Variants in GATAD2A observed in about 807,000 individuals in gnomAD.
GATAD2A encodes the protein GATA zinc finger domain containing 2A.
GATAD2A carries 12 observed loss-of-function variants against 68.5 expected under a neutral mutation model. That is an observed-to-expected ratio of 0.18 (90% CI 0.11 to 0.28). The LOEUF is 0.28. Ranked by LOEUF, GATAD2A falls within the 10% of genes least tolerant of loss-of-function variation. GATAD2A has a pLI of 1.00. For missense variants in GATAD2A, 755 were observed against 868.5 expected (o/e 0.87, Z 1.64); for synonymous variants, 410 against 375.3 (o/e 1.09, Z -1.07).
At chr19:19,428,437 G>A (rs1212027228) in intron 1 of GATAD2A, among the ~76,000 whole-genome samples, 1 of 152,230 alleles carries the variant, frequency 6.6e-6, no homozygotes, top group African/African-American at 2.4e-5. Context: ...TTGAGAAGCT[G>A]CCTGGTGCCA....
chr19:19,428,606 G>A (rs2053360421), intron 1 of GATAD2A, among the ~76,000 whole-genome samples: 1 of 152,188 alleles, frequency 6.6e-6, no homozygotes, highest in Non-Finnish European at 1.5e-5. Context: ...ATTTGGGATG[G>A]TTTGGAGGGA....
chr19:19,492,572 C>T lies in GATAD2A; in HGVS notation c.403-9C>T, dbSNP rs771568278. On this transcript the variant is annotated splice_polypyrimidine_tract_variant and intron_variant, in intron 3 of 11. Coordinates refer to ENST00000683918, the MANE Select transcript of GATAD2A (RefSeq NM_001384528.1). ...CTCCCTCTCAACCCTGTTCCTCTCG[C>T]CCCTGCAGAAAAGCAGTCCTGAAGA... is the stretch of plus-strand genomic sequence containing the variant. 1.2e-6 allele frequency: 2 copies of T among 1,614,178 alleles called. No homozygotes were observed. The highest frequency in any genetic ancestry group is 1.7e-5 in the Admixed American group (1 of 60,026).
At position 19,482,499 on chromosome 19, in the gene GATAD2A, G is replaced by A. The variant is rs553331969; in HGVS notation, c.270-9807G>A. ...CACCTCCTCTTTAGGGTTCCCCCAG[G>A]GTCCTGGCACAGTGAGGGGTCCACA... On this transcript the variant is annotated intron_variant, in intron 2 of 11. Coordinates refer to ENST00000683918, the MANE Select transcript of GATAD2A (RefSeq NM_001384528.1). 1.3e-3 allele frequency among the ~76,000 whole-genome samples: 191 copies of A among 152,318 alleles called. 1 individual carries two copies. Among genetic ancestry groups the A allele is most frequent in the Middle Eastern group, 6.8e-3 (2 of 294 alleles).
chr19:19,457,066 C>T, intron 1 of GATAD2A: 2 of 983,842 alleles, frequency 2.0e-6, no homozygotes, highest in Non-Finnish European at 2.4e-6. Flanking sequence ...TTTGAAGTGT[C>T]CGATCCAGTC....
chr19:19,409,851 T>G (rs972725348), intron 1 of GATAD2A, among the ~76,000 whole-genome samples: 2 of 152,152 alleles, frequency 1.3e-5, no homozygotes, highest in Non-Finnish European at 2.9e-5. Context: ...GACCGTTGGC[T>G]TCTTGCCCCT....
intron 1 of GATAD2A, among the ~76,000 whole-genome samples, chr19:19,430,901 A>G (rs1362016931): frequency 6.6e-6 from 1 of 152,070 alleles, no homozygotes; most frequent in Non-Finnish European, 1.5e-5. Context: ...GTAAATTGCC[A>G]TAGCTACCTT....
At position 19,447,497 on chromosome 19, in the gene GATAD2A, A is replaced by G. The variant is rs149298732; in HGVS notation, c.-6-17843A>G. Among the ~76,000 whole-genome samples, 147 of 152,336 alleles carry G rather than the reference A, an allele frequency of 9.6e-4. 1 individual carries two copies. In the East Asian group the frequency reaches 0.019, roughly 20 times the overall value. The stretch of plus-strand genomic sequence containing the variant: ...TGCCCAGAGGTTGGTGTGGGTGTCT[A>G]TACACAGACTCCTCCCACCCCTGAG... On this transcript the variant is annotated intron_variant, in intron 1 of 11. Coordinates refer to ENST00000683918, the MANE Select transcript of GATAD2A (RefSeq NM_001384528.1).
rs2147262341 is a variant in GATAD2A at position 19,420,951 on chromosome 19, T to C, written c.-7+14932T>C. Among the ~76,000 whole-genome samples, 2 of 152,366 alleles carry C rather than the reference T, an allele frequency of 1.3e-5. 1 individual carries two copies. Among genetic ancestry groups the C allele is most frequent in the South Asian group, 4.1e-4 (2 of 4,830 alleles). ...TTCCTCTTTCAGTAACAAAACCTCTTGTCAACATATTAGAGATGATTCTCT... is the reference window on the plus strand; with the variant it reads ...TTCCTCTTTCAGTAACAAAACCTCTCGTCAACATATTAGAGATGATTCTCT... On this transcript the variant is annotated intron_variant, in intron 1 of 11. Coordinates refer to ENST00000683918, the MANE Select transcript of GATAD2A (RefSeq NM_001384528.1).
upstream of GATAD2A, among the ~76,000 whole-genome samples, chr19:19,403,916 A>T (rs1376959860): frequency 3.3e-5 from 5 of 152,204 alleles, no homozygotes; most frequent in Non-Finnish European, 7.3e-5. Context: ...GTTTGAGAAT[A>T]AGACTGTTTT....
At chr19:19,406,203 T>C (rs1431594590) in intron 1 of GATAD2A, among the ~76,000 whole-genome samples, 184 bp downstream of exon 1, 1 of 150,904 alleles carries the variant, frequency 6.6e-6, no homozygotes, top group Non-Finnish European at 1.5e-5. Context: ...TGCGCTGCCC[T>C]GGAAAGTTCC....
At chr19:19,501,072 TGTC>T in intron 8 of GATAD2A, 43 bp from the exon 9 acceptor site, 1 of 1,549,688 alleles carries the variant, frequency 6.5e-7, no homozygotes, top group Non-Finnish European at 8.8e-7. Context: ...GGGCCCTGAC[TGTC>T]GTCCTGGCCC....
rs149768903 is a variant in GATAD2A, at chr19:19,424,249, A to C, written c.-7+18230A>C. 2.1e-3 allele frequency among the ~76,000 whole-genome samples: 321 copies of C among 151,552 alleles called. 2 individuals carry two copies. Among genetic ancestry groups the C allele is most frequent in the South Asian group, 0.016 (78 of 4,786 alleles). ...TTGTAAGTTTTTGTTGTTGTTTTTG[A>C]TACAGGGTCTTGCTCTGTCGTCCAG... is the stretch of plus-strand genomic sequence containing the variant. On this transcript the variant is annotated intron_variant, in intron 1 of 11. Transcript: ENST00000683918.
chr19:19,408,629 A>G (rs2050567170), intron 1 of GATAD2A, among the ~76,000 whole-genome samples: 1 of 152,092 alleles, frequency 6.6e-6, no homozygotes, highest in African/African-American at 2.4e-5. Flanking sequence ...TATTTTCTGA[A>G]TTTCTGGCAT....
intron 1 of GATAD2A, among the ~76,000 whole-genome samples, chr19:19,428,800 C>T (rs1009741568): frequency 1.2e-4 from 19 of 152,148 alleles, no homozygotes; most frequent in African/African-American, 4.3e-4. Context: ...ACTCTCAATT[C>T]TCAGTGGTGG....
chr19:19,502,619 AC>A, intron 11 of GATAD2A, 93 bp downstream of exon 11: 2 of 1,006,678 alleles, frequency 2.0e-6, no homozygotes, highest in Non-Finnish European at 1.5e-6. Context: ...CAGCGGGTGA[AC>A]CCCCAGGCCC....
At chr19:19,454,212 T>C (rs1412477369) in intron 1 of GATAD2A, among the ~76,000 whole-genome samples, 1 of 149,352 alleles carries the variant, frequency 6.7e-6, no homozygotes, top group Non-Finnish European at 1.5e-5. Flanking sequence ...GGTCAGCTGG[T>C]CTTGAACTCC....
intron 1 of GATAD2A, among the ~76,000 whole-genome samples, chr19:19,454,946 G>A (rs949586559): frequency 6.6e-5 from 10 of 152,170 alleles, no homozygotes; most frequent in African/African-American, 2.4e-4. Flanking sequence ...ACAAGGTGGT[G>A]GCCTGTTTTG....
chr19:19,466,301 C>G (rs1311634051), intron 2 of GATAD2A, among the ~76,000 whole-genome samples: 1 of 152,202 alleles, frequency 6.6e-6, no homozygotes, highest in Non-Finnish European at 1.5e-5. Flanking sequence ...AATTCAGACC[C>G]AGCACCTGCT....
chr19:19,473,185 C>T (rs1394259759), intron 2 of GATAD2A, among the ~76,000 whole-genome samples: 3 of 152,192 alleles, frequency 2.0e-5, no homozygotes, highest in African/African-American at 7.2e-5. Context: ...TTCCCCACCT[C>T]CCCTTGTACC....
Sources: gnomAD v4.1 joint callset for allele counts (sites outside exome capture counted in the v4.1 genomes callset) on GRCh38, gnomAD v4.1.1 for gene constraint, MANE v1.5 for transcripts, NCBI Gene and HGNC (gene_info 2026-07-23, HGNC 2026-07-21) for gene names.